The following FLT1 variants were observed in gnomAD, a reference collection of about 807,000 sequenced individuals.
The protein encoded by FLT1 is vascular endothelial growth factor receptor 1.
FLT1 carries 49 observed loss-of-function variants against 156.3 expected under a neutral mutation model. That is an observed-to-expected ratio of 0.31 (90% CI 0.25 to 0.40). The LOEUF (loss-of-function observed/expected upper bound fraction) is 0.40. FLT1 is among the 10% of genes least tolerant of loss of function. The pLI, the probability that FLT1 is intolerant of heterozygous loss-of-function variation, is 1.00. For missense variants in FLT1, 1,322 were observed against 1,637.2 expected, an observed-to-expected ratio of 0.81 and a Z score of 3.32; for synonymous variants, 594 against 583.8, an observed-to-expected ratio of 1.02 and a Z score of -0.25.
intron 17 of FLT1, among the ~76,000 whole-genome samples, chr13:28,334,915 T>G (rs1370255871): frequency 6.6e-6 from 1 of 152,136 alleles, no homozygotes; most frequent in Non-Finnish European, 1.5e-5. Context: ...GTCTGAATCT[T>G]CCCAGAACCT....
chr13:28,484,435 C>T (rs1881031664), intron 1 of FLT1, among the ~76,000 whole-genome samples: 1 of 152,188 alleles, frequency 6.6e-6, no homozygotes, highest in African/African-American at 2.4e-5. Context: ...TCTAGGAGAG[C>T]AGTTTGGAAG....
At chr13:28,474,485 G>GACACAC (rs57021123) in intron 1 of FLT1, among the ~76,000 whole-genome samples, 2,967 of 112,466 alleles carry the variant, frequency 0.026, 43 homozygotes, top group African/African-American at 0.063. Flanking sequence ...AACAACCACA[G>GACACAC]ACACACACAC....
At position 28,320,740 on chromosome 13, in the gene FLT1, G is replaced by C. The variant is rs182261989; in HGVS notation, c.3174+723C>G. On this transcript the variant is annotated intron_variant, in intron 23 of 29. Coordinates refer to ENST00000282397, the MANE Select transcript of FLT1 (RefSeq NM_002019.4). Reference sequence around the variant, plus strand: ...ACTCAGAAACTCTGGGGGGTGGAAGGCTTGTTAGGCCAGCACACTGTAGCG... The same window carrying C: ...ACTCAGAAACTCTGGGGGGTGGAAGCCTTGTTAGGCCAGCACACTGTAGCG... 4.3e-3 allele frequency among the ~76,000 whole-genome samples: 650 copies of C among 152,194 alleles called. 5 individuals carry two copies. Among genetic ancestry groups the C allele is most frequent in the African/African-American group, 0.014 (598 of 41,514 alleles).
chr13:28,393,393 C>T (rs1219838991), intron 12 of FLT1, among the ~76,000 whole-genome samples: 1 of 152,202 alleles, frequency 6.6e-6, no homozygotes, highest in African/African-American at 2.4e-5. Flanking sequence ...GAAGGCTCTA[C>T]TGCCACCGAA....
chr13:28,334,475 A>T (rs11617751), intron 17 of FLT1, among the ~76,000 whole-genome samples: 3 of 152,164 alleles, frequency 2.0e-5, no homozygotes, highest in African/African-American at 7.2e-5. Context: ...GACCAAGAAG[A>T]CTTCCCTGTG....
intron 15 of FLT1, among the ~76,000 whole-genome samples, chr13:28,355,523 CG>C (rs781461972): frequency 6.6e-6 from 1 of 152,102 alleles, no homozygotes; most frequent in Non-Finnish European, 1.5e-5. Context: ...ATTCCAGAAG[CG>C]GGGATTGAGA....
intron 1 of FLT1, among the ~76,000 whole-genome samples, chr13:28,473,541 A>G (rs1005305950): frequency 6.6e-6 from 1 of 151,690 alleles, no homozygotes; most frequent in East Asian, 1.9e-4. Flanking sequence ...GCTACTTGGG[A>G]GGCTGAGGCA....
At position 28,345,473 on chromosome 13, in the gene FLT1, A is replaced by G. The variant is rs1872531159; in HGVS notation, c.2327T>C (p.Leu776Ser). 2 of 1,611,666 alleles carry G rather than the reference A, an allele frequency of 1.2e-6. No homozygotes were observed. Among genetic ancestry groups the G allele is most frequent in the East Asian group, 4.5e-5 (2 of 44,878 alleles). ...CVAATLFWLL[L>S]TLFIRKMKRS... Reference sequence around the variant, plus strand: ...TTTCATTTTTCGGATAAAGAGGGTTAATAGGAGCCAGAAGAGAGTCGCAGC... The same window carrying G: ...TTTCATTTTTCGGATAAAGAGGGTTGATAGGAGCCAGAAGAGAGTCGCAGC... The change falls in exon 16 of 30, where the codon TTA becomes TCA. Residue 776 changes from leucine (L) to serine (S), a missense_variant. Leu to Ser is a moderately radical substitution (Grantham distance 145). Coordinates refer to ENST00000282397, the MANE Select transcript of FLT1 (RefSeq NM_002019.4).
chr13:28,318,506 A>G (rs1270975448), intron 24 of FLT1, among the ~76,000 whole-genome samples: 1 of 152,100 alleles, frequency 6.6e-6, no homozygotes, highest in Non-Finnish European at 1.5e-5. Flanking sequence ...CTACCTCAGC[A>G]TTTGTTTGTG....
rs1395573486 is a variant in FLT1 at position 28,368,210 on chromosome 13, G to A, written c.2117-10525C>T. 4.2e-5 allele frequency: 12 copies of A among 287,186 alleles called. No homozygotes were observed. In the South Asian group the frequency reaches 6.9e-4, roughly 16 times the overall value. The allele number at this position is 287,186 out of a possible 1,614,324, so 17.8% of individuals were successfully genotyped here. On this transcript the variant is annotated intron_variant, in intron 14 of 29. Coordinates refer to ENST00000282397, the MANE Select transcript of FLT1 (RefSeq NM_002019.4). ...CTCTTGTTGCCCAGGCTGGAGTGCA[G>A]TACACGATCTCGGCTCCCTGCAACC... is the stretch of plus-strand genomic sequence containing the variant.
At chr13:28,371,818 T>G (rs1873582305) in intron 14 of FLT1, among the ~76,000 whole-genome samples, 1 of 151,948 alleles carries the variant, frequency 6.6e-6, no homozygotes, top group South Asian at 2.1e-4. Flanking sequence ...TGGTATAATC[T>G]GAGGTGTCAG....
At chr13:28,307,005 C>T (rs1441536172) in intron 28 of FLT1, among the ~76,000 whole-genome samples, 1 of 152,184 alleles carries the variant, frequency 6.6e-6, no homozygotes, top group Non-Finnish European at 1.5e-5. Context: ...GAAGTAAATA[C>T]ATTTAGGCAA....
chr13:28,355,986 C>T (rs1299147800), intron 15 of FLT1, among the ~76,000 whole-genome samples: 1 of 152,204 alleles, frequency 6.6e-6, no homozygotes, highest in Admixed American at 6.5e-5. Context: ...CACGCAAAAA[C>T]GTCACTGCTT....
intron 3 of FLT1, among the ~76,000 whole-genome samples, chr13:28,455,712 G>A (rs889376734): frequency 3.3e-5 from 5 of 152,050 alleles, no homozygotes; most frequent in Admixed American, 1.3e-4. Flanking sequence ...GCACAGACTG[G>A]GAGAAAATAT....
At chr13:28,457,296 C>A (rs1879321414) in intron 3 of FLT1, among the ~76,000 whole-genome samples, 1 of 152,138 alleles carries the variant, frequency 6.6e-6, no homozygotes, top group South Asian at 2.1e-4. Flanking sequence ...TAGGATGGCA[C>A]CCAGCATGGA....
chr13:28,349,822 C>G (rs2138864179), intron 15 of FLT1, among the ~76,000 whole-genome samples: 1 of 152,246 alleles, frequency 6.6e-6, no homozygotes, highest in African/African-American at 2.4e-5. Context: ...TTAAAAAAAT[C>G]TTCAAGATGA....
intron 15 of FLT1, among the ~76,000 whole-genome samples, chr13:28,354,370 C>A: frequency 6.6e-6 from 1 of 152,104 alleles, no homozygotes; most frequent in East Asian, 1.9e-4. Flanking sequence ...TGAAACCTGC[C>A]TCTTGGAAAT....
At chr13:28,456,960 T>C (rs1230727562) in intron 3 of FLT1, among the ~76,000 whole-genome samples, 1 of 152,178 alleles carries the variant, frequency 6.6e-6, no homozygotes, top group Non-Finnish European at 1.5e-5. Flanking sequence ...ATCCATAGAA[T>C]GTCCAACACC....
At chr13:28,329,587 C>T in intron 19 of FLT1, 28 bp downstream of exon 19, 1 of 1,480,782 alleles carries the variant, frequency 6.8e-7, no homozygotes, top group Non-Finnish European at 9.4e-7. Context: ...CAGGGGGAGA[C>T]GGAGCCGGCC....
Sources: gnomAD v4.1 joint callset for allele counts (sites outside exome capture counted in the v4.1 genomes callset) on GRCh38, gnomAD v4.1.1 for gene constraint, MANE v1.5 for transcripts, NCBI Gene and HGNC (gene_info 2026-07-23, HGNC 2026-07-21) for gene names.